Variants in DRD2 observed in about 807,000 individuals in gnomAD.
The protein encoded by DRD2 is D(2) dopamine receptor.
A neutral mutation model predicts 38.0 loss-of-function variants in DRD2; 8 were observed. The observed-to-expected ratio is 0.21, with a 90% CI of 0.12 to 0.38. The LOEUF (loss-of-function observed/expected upper bound fraction) is 0.38. DRD2 is among the 10% of genes least tolerant of loss of function. The pLI is 1.00. For missense variants in DRD2, 403 were observed against 607.7 expected (o/e 0.66, Z 3.54); for synonymous variants, 230 against 238.6 (o/e 0.96, Z 0.33).
chr11:113,459,231 T>C (rs1196536367), intron 1 of DRD2, among the ~76,000 whole-genome samples: 1 of 152,240 alleles, frequency 6.6e-6, no homozygotes, highest in Non-Finnish European at 1.5e-5. Flanking sequence ...GTGGTAGATA[T>C]TATTCACTTG....
intron 7 of DRD2, among the ~76,000 whole-genome samples, chr11:113,411,176 C>CAATAAATCCAAATATTGTTAATCCAATAA (rs879907090): frequency 1.7e-3 from 254 of 152,262 alleles, no homozygotes; most frequent in Non-Finnish European, 2.5e-3. Context: ...CATGGTTTAA[C>CAATAAATCCAAATATTGTTAATCCAATAA]AATAAATCCA....
Position 113,414,399 on chromosome 11 carries a change from A to G in DRD2, c.786T>C (p.Ser262=). 1.9e-6 allele frequency: 3 copies of G among 1,614,096 alleles called. No homozygotes were observed. The highest frequency in any genetic ancestry group is 8.5e-7 in the Non-Finnish European group (1 of 1,180,034). ...CCACTCTCCGCCTGTTCACTGGGAA[A>G]CTCCCATTAGACTTCATGATAACGG... ...LCTVIMKSNG[S]FPVNRRRVEA... The change falls in exon 6 of 8, where the codon AGT becomes AGC. Residue 262 remains serine (S), a synonymous_variant. Coordinates refer to ENST00000362072, the MANE Select transcript of DRD2 (RefSeq NM_000795.4).
intron 3 of DRD2, 58 bp downstream of exon 3, chr11:113,417,969 T>C: frequency 7.0e-7 from 1 of 1,436,158 alleles, no homozygotes; most frequent in South Asian, 1.2e-5. Flanking sequence ...TGAGAAAAGC[T>C]GGGGCAGCCA....
In DRD2 at chr11:113,424,619, A is replaced by G; in HGVS notation, c.33T>C (p.Asp11=). The G allele has an allele frequency of 6.2e-7, 1 of 1,614,142 alleles. No individual in the cohort carries two copies. MDPLNLSWYD[D]DLERQNWSRP... is the part of the protein sequence containing the mutation. ...GGCTCCAGTTCTGCCTCTCCAGATC[A>G]TCATCATACCAGGACAGATTCAGTG... The change falls in exon 2 of 8, where the codon GAT becomes GAC. Residue 11 remains aspartate, a synonymous_variant. Transcript: ENST00000362072.
intron 1 of DRD2, 162 bp from the exon 2 acceptor site, chr11:113,424,844 C>A (rs1950924633): frequency 7.2e-6 from 5 of 691,110 alleles, no homozygotes; most frequent in South Asian, 1.9e-5. Flanking sequence ...TTCTGCCACT[C>A]TTTTGCTAGC....
chr11:113,413,265 C>A (rs957281121), intron 6 of DRD2: 5 of 576,472 alleles, frequency 8.7e-6, no homozygotes, highest in Non-Finnish European at 1.7e-5. Flanking sequence ...CATGTTCCGA[C>A]TGCAAAGAGG....
chr11:113,456,373 G>A (rs553993537), intron 1 of DRD2, among the ~76,000 whole-genome samples: 1 of 152,266 alleles, frequency 6.6e-6, no homozygotes, highest in South Asian at 2.1e-4. Context: ...AGTTAGTAAT[G>A]ACAAGTTGTC....
chr11:113,457,999 C>T (rs1235141878), intron 1 of DRD2, among the ~76,000 whole-genome samples: 1 of 152,248 alleles, frequency 6.6e-6, no homozygotes, highest in Non-Finnish European at 1.5e-5. Context: ...AAGATCTGTG[C>T]CCTCCTGGGT....
In DRD2 at chr11:113,413,803, C is replaced by T. The variant is rs79645187; in HGVS notation, c.810+572G>A. The T allele has an allele frequency of 9.3e-3, 1,974 of 212,736 alleles. 41 individuals are homozygous for T. The highest frequency in any genetic ancestry group is 0.041 in the African/African-American group (1,823 of 44,262). 13.2% of individuals were successfully genotyped at this position (212,736 alleles called of 1,614,324 possible). On this transcript the variant is annotated intron_variant, in intron 6 of 7. Coordinates refer to ENST00000362072, the MANE Select transcript of DRD2 (RefSeq NM_000795.4). ...CAGAGGCTGGGGTCTGCTGTGCTTC[C>T]GCACCTGAGGGCTCTATGTACACAA...
intron 6 of DRD2, 57 bp from the exon 7 acceptor site, chr11:113,412,940 A>G (rs1950784383): frequency 1.3e-6 from 2 of 1,540,506 alleles, no homozygotes; most frequent in South Asian, 2.4e-5. Context: ...GGCATCAGCC[A>G]CCCATCTCAC....
At chr11:113,416,741 G>C in intron 4 of DRD2, 122 bp downstream of exon 4, 1 of 1,422,406 alleles carries the variant, frequency 7.0e-7, no homozygotes, top group South Asian at 1.2e-5. Flanking sequence ...GTCCAGGGTA[G>C]TGATAGGCCT....
chr11:113,416,799 G>A (rs926566118), intron 4 of DRD2, 64 bp downstream of exon 4: 58 of 1,591,112 alleles, frequency 3.6e-5, no homozygotes, highest in Non-Finnish European at 4.5e-5. Flanking sequence ...GCTCCCTCAG[G>A]GCCCTTCGAG....
chr11:113,436,323 A>G (rs1468361927), intron 1 of DRD2, among the ~76,000 whole-genome samples: 2 of 152,188 alleles, frequency 1.3e-5, no homozygotes, highest in Non-Finnish European at 2.9e-5. Flanking sequence ...TTGCAAAGAA[A>G]AAAAAGAGAG....
At chr11:113,418,237 A>G in intron 2 of DRD2, 101 bp from the exon 3 acceptor site, 2 of 955,140 alleles carry the variant, frequency 2.1e-6, no homozygotes, top group Non-Finnish European at 3.3e-6. Flanking sequence ...CAGACTCAGG[A>G]GGCAGCTGCA....
chr11:113,455,854 T>A (rs1287230673), intron 1 of DRD2, among the ~76,000 whole-genome samples: 2 of 152,184 alleles, frequency 1.3e-5, no homozygotes, highest in Non-Finnish European at 2.9e-5. Context: ...TAAATTAACA[T>A]AGCCATTTTG....
chr11:113,444,992 G>A (rs926588069), intron 1 of DRD2, among the ~76,000 whole-genome samples: 4 of 152,218 alleles, frequency 2.6e-5, no homozygotes, highest in South Asian at 2.1e-4. Flanking sequence ...CAAAGGCTCT[G>A]GGAGTCTAGC....
chr11:113,457,370 C>T (rs1565677173), intron 1 of DRD2, among the ~76,000 whole-genome samples: 3 of 152,114 alleles, frequency 2.0e-5, no homozygotes, highest in African/African-American at 7.2e-5. Context: ...CAATACAAAG[C>T]GACCCTGTTC....
intron 1 of DRD2, among the ~76,000 whole-genome samples, chr11:113,458,512 C>T (rs1951288116): frequency 6.6e-6 from 1 of 152,218 alleles, no homozygotes; most frequent in Admixed American, 6.5e-5. Flanking sequence ...ATACTCCTTC[C>T]TTCAAATGCA....
intron 1 of DRD2, among the ~76,000 whole-genome samples, chr11:113,467,122 T>C (rs73557296): frequency 0.092 from 14,027 of 152,080 alleles, 855 homozygotes; most frequent in East Asian, 0.18. Context: ...TGTCAACACA[T>C]GTCTCTTATT....
Sources: allele counts gnomAD v4.1 joint callset (sites outside exome capture counted in the v4.1 genomes callset), GRCh38; gene constraint gnomAD v4.1.1; transcripts MANE v1.5; gene names NCBI Gene and HGNC (gene_info 2026-07-23, HGNC 2026-07-21).